HPSE2: variants seen among roughly 807,000 people sequenced by gnomAD.
HPSE2 encodes inactive heparanase-2.
In HPSE2, 38 loss-of-function variants were observed where a neutral mutation model predicts 60.5. That is an observed-to-expected ratio of 0.63 (90% CI 0.48 to 0.82). The LOEUF (loss-of-function observed/expected upper bound fraction) is 0.82. Ranked by LOEUF, HPSE2 falls within the 40% of genes least tolerant of loss-of-function variation. The pLI, the probability that HPSE2 is intolerant of heterozygous loss-of-function variation, is 0.00. For synonymous variants in HPSE2, 295 were observed against 293.2 expected (o/e 1.01, Z -0.06); for missense variants, 713 against 740.4 (o/e 0.96, Z 0.43).
intron 2 of HPSE2, among the ~76,000 whole-genome samples, chr10:99,168,062 C>T (rs961701144): frequency 2.7e-5 from 4 of 147,010 alleles, no homozygotes; most frequent in African/African-American, 1.0e-4. Context: ...GCTTTCTCTG[C>T]ATCTATTGAG....
intron 5 of HPSE2, among the ~76,000 whole-genome samples, chr10:98,701,739 T>C (rs1022574160): frequency 1.2e-4 from 19 of 152,050 alleles, no homozygotes; most frequent in Admixed American, 6.6e-4. Flanking sequence ...AATAAAATCA[T>C]TTCCAGACAA....
intron 9 of HPSE2, among the ~76,000 whole-genome samples, chr10:98,603,862 T>C (rs1404774896): frequency 1.3e-5 from 2 of 152,066 alleles, no homozygotes; most frequent in Non-Finnish European, 2.9e-5. Context: ...TAGCCTTCCA[T>C]GCAGGAGAAG....
At chr10:98,586,309 T>G (rs1209439953) in intron 9 of HPSE2, among the ~76,000 whole-genome samples, 1 of 152,182 alleles carries the variant, frequency 6.6e-6, no homozygotes, top group Non-Finnish European at 1.5e-5. Context: ...CTCTTTTCCC[T>G]CTTACCACCA....
chr10:99,274,631 T>TA, the HPSE2 span, among the ~76,000 whole-genome samples: 1,302 of 151,592 alleles, frequency 8.6e-3, 12 homozygotes, highest in African/African-American at 0.03. Flanking sequence ...TCATATACGT[T>TA]AAAAAAAAAT....
chr10:98,866,334 G>C (rs929298752), intron 3 of HPSE2, among the ~76,000 whole-genome samples: 6 of 151,944 alleles, frequency 3.9e-5, no homozygotes, highest in African/African-American at 1.4e-4. Context: ...CACTGAGAAA[G>C]AAGAATCCAA....
chr10:98,504,428 G>T (rs980693558), intron 9 of HPSE2, among the ~76,000 whole-genome samples: 8 of 151,838 alleles, frequency 5.3e-5, no homozygotes, highest in African/African-American at 1.9e-4. Flanking sequence ...TCCATATACA[G>T]CAGACTATAT....
chr10:98,940,092 G>A (rs1286068588), intron 3 of HPSE2, among the ~76,000 whole-genome samples: 1 of 143,090 alleles, frequency 7.0e-6, no homozygotes, highest in Non-Finnish European at 1.5e-5. Context: ...AGTGTAAAGA[G>A]GGAAATTTAT....
Position 98,965,164 on chromosome 10 carries a change from T to C in HPSE2, c.610+179074A>G, listed in dbSNP as rs550063740. Among the ~76,000 whole-genome samples the C allele has an allele frequency of 4.7e-4, 71 of 152,284 alleles. No individual in the cohort carries two copies. In the South Asian group the frequency reaches 0.015, roughly 31 times the overall value. On this transcript the variant is annotated intron_variant, in intron 3 of 11. Coordinates refer to ENST00000370552, the MANE Select transcript of HPSE2 (RefSeq NM_021828.5). ...TTACTTTCATCATGCAATTCTCTGATCAAAATAATCTTTAATAGGTACTGT... is the reference window on the plus strand; with the variant it reads ...TTACTTTCATCATGCAATTCTCTGACCAAAATAATCTTTAATAGGTACTGT...
chr10:98,567,761 G>A (rs1288122318), intron 9 of HPSE2, among the ~76,000 whole-genome samples: 2 of 152,106 alleles, frequency 1.3e-5, no homozygotes, highest in Non-Finnish European at 1.5e-5. Context: ...GTGTGTGTGT[G>A]TGTGTGTGTG....
intron 3 of HPSE2, among the ~76,000 whole-genome samples, chr10:98,960,726 A>ATTTTTTTTTTTTTTTTT (rs68091060): frequency 9.7e-6 from 1 of 102,602 alleles, no homozygotes; most frequent in Admixed American, 1.0e-4. Context: ...TTTTTGTTTT[A>ATTTTTTTTTTTTTTTTT]TTTTTTTTAT....
At chr10:98,954,574 G>A (rs1955455635) in intron 3 of HPSE2, among the ~76,000 whole-genome samples, 1 of 152,124 alleles carries the variant, frequency 6.6e-6, no homozygotes, top group Non-Finnish European at 1.5e-5. Context: ...ACCAGTGGTT[G>A]CCTCTGAATC....
chr10:99,228,332 A>G (rs190142173), intron 2 of HPSE2, among the ~76,000 whole-genome samples: 27 of 152,306 alleles, frequency 1.8e-4, no homozygotes, highest in African/African-American at 6.3e-4. Context: ...AAAAATAACC[A>G]TAGTTTTTTA....
At chr10:99,257,482 G>C in the HPSE2 span, among the ~76,000 whole-genome samples, 1 of 152,152 alleles carries the variant, frequency 6.6e-6, no homozygotes, top group Non-Finnish European at 1.5e-5. Flanking sequence ...AAGCTGTAGG[G>C]ATGAAATAAG....
At chr10:98,757,555 C>T (rs1565141261) in intron 3 of HPSE2, among the ~76,000 whole-genome samples, 1 of 151,638 alleles carries the variant, frequency 6.6e-6, no homozygotes, top group Non-Finnish European at 1.5e-5. Flanking sequence ...AGCTGAGAGC[C>T]AAATCAAAAA....
At chr10:99,071,127 A>G (rs1842776910) in intron 3 of HPSE2, among the ~76,000 whole-genome samples, 1 of 148,306 alleles carries the variant, frequency 6.7e-6, no homozygotes, top group South Asian at 2.1e-4. Context: ...TGAAGTGCAG[A>G]GGCATGATCT....
At chr10:98,895,197 T>TA (rs1953451048) in intron 3 of HPSE2, among the ~76,000 whole-genome samples, 1 of 151,974 alleles carries the variant, frequency 6.6e-6, no homozygotes, top group Non-Finnish European at 1.5e-5. Context: ...GTATAGAAAT[T>TA]AAAAACACAC....
chr10:98,903,580 G>A (rs141172686), intron 3 of HPSE2, among the ~76,000 whole-genome samples: 1 of 152,100 alleles, frequency 6.6e-6, no homozygotes, highest in African/African-American at 2.4e-5. Flanking sequence ...AGTGGCACTC[G>A]CAATTTTCTT....
intron 9 of HPSE2, among the ~76,000 whole-genome samples, chr10:98,548,264 G>A (rs1419858331): frequency 6.6e-6 from 1 of 152,130 alleles, no homozygotes; most frequent in Admixed American, 6.5e-5. Context: ...ACAGAAAAAA[G>A]TATATTGTTG....
At chr10:99,160,910 A>G (rs2133769353) in intron 2 of HPSE2, among the ~76,000 whole-genome samples, 1 of 150,788 alleles carries the variant, frequency 6.6e-6, no homozygotes, top group East Asian at 2.0e-4. Flanking sequence ...AAAAAAAAAA[A>G]AAAAAAAAAA....
Sources: gnomAD v4.1 joint callset for allele counts (sites outside exome capture counted in the v4.1 genomes callset) on GRCh38, gnomAD v4.1.1 for gene constraint, MANE v1.5 for transcripts, NCBI Gene and HGNC (gene_info 2026-07-23, HGNC 2026-07-21) for gene names.